The following C7 variants were observed in gnomAD, a reference collection of about 807,000 sequenced individuals.
C7 encodes complement C7, also known as complement component C7.
Under a neutral mutation model 104.8 loss-of-function variants are expected in C7, and 83 were observed. The observed-to-expected ratio is 0.79, with a 90% CI of 0.66 to 0.95. C7 has a LOEUF of 0.95. Among genes scored for constraint, C7 ranks in the 40% least tolerant of loss-of-function variants. The pLI is 0.00. For synonymous variants in C7, 415 were observed against 360.6 expected, an observed-to-expected ratio of 1.15 and a Z score of -1.71; for missense variants, 1,070 against 1,011.2, an observed-to-expected ratio of 1.06 and a Z score of -0.79.
At chr5:40,969,834 C>A (rs1740655260) in intron 14 of C7, among the ~76,000 whole-genome samples, 1 of 151,928 alleles carries the variant, frequency 6.6e-6, no homozygotes, top group Non-Finnish European at 1.5e-5. Context: ...AATGTAATCA[C>A]CACATTAGAC....
intron 17 of C7, among the ~76,000 whole-genome samples, chr5:40,980,740 G>T (rs773734343): frequency 1.3e-5 from 2 of 152,122 alleles, no homozygotes; most frequent in Non-Finnish European, 2.9e-5. Flanking sequence ...GCCTGTACCC[G>T]CTGGCACCTG....
chr5:40,930,339 G>A lies in C7; in HGVS notation c.63-725G>A, dbSNP rs139159776. On this transcript the variant is annotated intron_variant, in intron 2 of 17. Coordinates refer to ENST00000313164, the MANE Select transcript of C7 (RefSeq NM_000587.4). ...TCCTGTCTCAGCCTCCCAAGTAGCCGGGATTATAGGCATGCACCACCACGC... is the reference window on the plus strand; with the variant it reads ...TCCTGTCTCAGCCTCCCAAGTAGCCAGGATTATAGGCATGCACCACCACGC... Among the ~76,000 whole-genome samples, 1,296 of 151,052 alleles carry A rather than the reference G, an allele frequency of 8.6e-3. 18 individuals carry two copies. Among genetic ancestry groups the A allele is most frequent in the African/African-American group, 0.028 (1,163 of 41,136 alleles).
chr5:40,916,866 T>A (rs189427101), intron 1 of C7, among the ~76,000 whole-genome samples: 1 of 152,158 alleles, frequency 6.6e-6, no homozygotes, highest in Non-Finnish European at 1.5e-5. Flanking sequence ...TTACCTCCCA[T>A]ACTTTTGTAG....
chr5:40,915,848 T>G (rs963644562), intron 1 of C7, among the ~76,000 whole-genome samples: 7 of 152,058 alleles, frequency 4.6e-5, no homozygotes, highest in African/African-American at 1.4e-4. Context: ...AATAAGAGAA[T>G]GGGTTATCTA....
intron 1 of C7, among the ~76,000 whole-genome samples, chr5:40,918,273 T>G (rs918408683): frequency 1.3e-5 from 2 of 151,936 alleles, no homozygotes; most frequent in Non-Finnish European, 2.9e-5. Context: ...GGTGGGAGCA[T>G]CATTTGAGCC....
At chr5:40,944,704 C>T (rs1023383730) in intron 6 of C7, among the ~76,000 whole-genome samples, 2 of 152,130 alleles carry the variant, frequency 1.3e-5, no homozygotes, top group Admixed American at 6.5e-5. Context: ...GAAAAAAATG[C>T]AATTTTAGCA....
At chr5:40,942,888 C>A (rs1231536726) in intron 6 of C7, among the ~76,000 whole-genome samples, 1 of 152,040 alleles carries the variant, frequency 6.6e-6, no homozygotes, top group African/African-American at 2.4e-5. Flanking sequence ...GTTCAGCCTC[C>A]CGAGTAGCTG....
chr5:40,966,259 C>T (rs954878310), intron 14 of C7, among the ~76,000 whole-genome samples: 1 of 152,088 alleles, frequency 6.6e-6, no homozygotes, highest in Non-Finnish European at 1.5e-5. Context: ...ATCCCTTACC[C>T]CCTTCCCACC....
At chr5:40,932,389 A>G (rs1442014842) in intron 3 of C7, among the ~76,000 whole-genome samples, 1 of 152,188 alleles carries the variant, frequency 6.6e-6, no homozygotes, top group Non-Finnish European at 1.5e-5. Flanking sequence ...TTCTGAGGAT[A>G]GTCCTAGAAA....
intron 3 of C7, among the ~76,000 whole-genome samples, chr5:40,931,868 C>T (rs1346884959): frequency 6.6e-6 from 1 of 152,202 alleles, no homozygotes; most frequent in Non-Finnish European, 1.5e-5. Context: ...AAGTGATTCT[C>T]CTGCCTCAGC....
chr5:40,978,549 A>G (rs1740868816), intron 16 of C7, among the ~76,000 whole-genome samples: 2 of 152,220 alleles, frequency 1.3e-5, no homozygotes, highest in African/African-American at 4.8e-5. Flanking sequence ...AAGTAGTTCT[A>G]TTTAAAGTTT....
chr5:40,910,882 T>C (rs1452629205), intron 1 of C7, among the ~76,000 whole-genome samples: 1 of 152,066 alleles, frequency 6.6e-6, no homozygotes, highest in Non-Finnish European at 1.5e-5. Context: ...AATATTTGTG[T>C]TAACTATTAA....
chr5:40,928,547 C>T (rs1190742355), intron 1 of C7, 33 bp from the exon 2 acceptor site: 1 of 1,243,386 alleles, frequency 8.0e-7, no homozygotes, highest in South Asian at 1.4e-5. Flanking sequence ...GAAATGCAAG[C>T]TAAAATAATA....
At chr5:40,924,506 A>C (rs1210671269) in intron 1 of C7, among the ~76,000 whole-genome samples, 7 of 152,090 alleles carry the variant, frequency 4.6e-5, no homozygotes, top group Non-Finnish European at 5.9e-5. Flanking sequence ...TCCCCTTTCC[A>C]CTAATTCACT....
At chr5:40,909,931 A>G (rs927663484) in intron 1 of C7, among the ~76,000 whole-genome samples, 2 of 151,380 alleles carry the variant, frequency 1.3e-5, no homozygotes, top group Non-Finnish European at 2.9e-5. Context: ...AAGAAATACA[A>G]TAGTACTATT....
chr5:40,945,281 A>T lies in C7; in HGVS notation c.651A>T (p.Ser217=), dbSNP rs572048232. 3 of 1,602,996 alleles carry T rather than the reference A, an allele frequency of 1.9e-6. No individual in the cohort carries two copies. The highest frequency in any genetic ancestry group is 2.2e-5 in the East Asian group (1 of 44,666). The change falls in exon 7 of 18, where the codon TCA becomes TCT. Residue 217 remains serine (S), a synonymous_variant. Coordinates refer to ENST00000313164, the MANE Select transcript of C7 (RefSeq NM_000587.4). ...YVKHTSTEHT[S]SSRKRSFFRS... ...AACATACGTCGACAGAACACACATC[A>T]TCTAGTCGGAAGCGCTCCTTTTTTA...
intron 15 of C7, among the ~76,000 whole-genome samples, chr5:40,974,622 G>A (rs1740775214): frequency 6.6e-6 from 1 of 152,016 alleles, no homozygotes; most frequent in Non-Finnish European, 1.5e-5. Context: ...GTTTCACCAT[G>A]TTAGTCAGGA....
At chr5:40,962,253 T>C in intron 13 of C7, 81 bp downstream of exon 13, 1 of 815,756 alleles carries the variant, frequency 1.2e-6, no homozygotes, top group Non-Finnish European at 1.9e-6. Flanking sequence ...ATTTTCTTCC[T>C]CCATGGTGAA....
intron 14 of C7, among the ~76,000 whole-genome samples, chr5:40,969,055 C>A (rs145204763): frequency 0.01 from 1,571 of 152,098 alleles, 16 homozygotes; most frequent in Non-Finnish European, 0.018. Context: ...TCCTTACTTC[C>A]CGCCCAGTTT....
Sources: allele counts gnomAD v4.1 joint callset (sites outside exome capture counted in the v4.1 genomes callset), GRCh38; gene constraint gnomAD v4.1.1; transcripts MANE v1.5; gene names NCBI Gene and HGNC (gene_info 2026-07-23, HGNC 2026-07-21).